Variants in CEP104 observed in about 807,000 individuals in gnomAD.
CEP104 encodes the protein centrosomal protein of 104 kDa.
In CEP104, 84 loss-of-function variants were observed where a neutral mutation model predicts 113.3. That is an observed-to-expected ratio of 0.74 (90% CI 0.62 to 0.89). The LOEUF (loss-of-function observed/expected upper bound fraction) is 0.89, where lower values mean the gene tolerates loss of function less well. CEP104 is among the 40% of genes least tolerant of loss of function. The probability of loss-of-function intolerance (pLI) is 0.00; values close to 1 mark genes in which losing one functional copy is unlikely to be tolerated. For missense variants in CEP104, 1,053 were observed against 1,156.6 expected (o/e 0.91, Z 1.30); for synonymous variants, 378 against 421.7 (o/e 0.90, Z 1.27).
intron 12 of CEP104, among the ~76,000 whole-genome samples, chr1:3,832,306 TGTAGGTC>T (rs567508385): frequency 1.4e-5 from 2 of 139,384 alleles, no homozygotes; most frequent in African/African-American, 5.4e-5. Flanking sequence ...AGGAGTGTAT[TGTAGGTC>T]GTAACCAGGA....
At position 3,852,310 on chromosome 1, in the gene CEP104, C is replaced by A; in HGVS notation, c.98G>T (p.Gly33Val). 1 of 1,613,852 alleles carries A rather than the reference C, an allele frequency of 6.2e-7. No homozygotes were observed. The highest frequency in any genetic ancestry group is 8.5e-7 in the Non-Finnish European group (1 of 1,179,970). ...CAGTCCTCACCTAGGTGACCGCCAC[C>A]CACTGACAGTTGGCGCGTGGATCAT... ...ELMIHAPTVS[G>V]WRSPRFCQFP... Residue 33 changes from glycine to valine, a missense_variant, in exon 2 of 22, where the codon GGG becomes GTG. Transcript: ENST00000378230.
intron 11 of CEP104, 95 bp from the exon 12 acceptor site, chr1:3,834,130 A>G (rs1282454855): frequency 1.5e-5 from 15 of 1,022,276 alleles, no homozygotes; most frequent in Non-Finnish European, 2.0e-5. Context: ...TACGAACATT[A>G]TATCGAAAAT....
chr1:3,854,133 C>T (rs1462261434), intron 1 of CEP104, among the ~76,000 whole-genome samples: 2 of 152,150 alleles, frequency 1.3e-5, no homozygotes, highest in Non-Finnish European at 2.9e-5. Context: ...CTCTCTTCAC[C>T]CACTCCCCAT....
chr1:3,823,559 C>T lies in CEP104; in HGVS notation c.2368G>A (p.Val790Ile). The T allele has an allele frequency of 6.2e-7, 1 of 1,614,240 alleles. No individual in the cohort carries two copies. Among genetic ancestry groups the T allele is most frequent in the South Asian group, 1.1e-5 (1 of 91,090 alleles). Residue 790 changes from valine to isoleucine, a missense_variant, in exon 19 of 22, where the codon GTC becomes ATC. Coordinates refer to ENST00000378230, the MANE Select transcript of CEP104 (RefSeq NM_014704.4). The surrounding 1 kb of genome is among the most constrained non-coding windows in gnomAD (Gnocchi z 4.1). ...TGCTCCGTCAGACTGGATATCTCGA[C>T]CACCTGGATTTCGAAATACAGAGCA... ...LTRCDHCKQVVEISSLTEHLL... is the reference protein window; with the variant it reads ...LTRCDHCKQVIEISSLTEHLL...
chr1:3,855,494 C>G (rs950266016), intron 1 of CEP104, among the ~76,000 whole-genome samples: 1 of 152,188 alleles, frequency 6.6e-6, no homozygotes, highest in East Asian at 1.9e-4. Context: ...CCAACACTCT[C>G]TGTTACGGCT....
chr1:3,844,046 C>G (rs1334834042), intron 6 of CEP104, among the ~76,000 whole-genome samples: 1 of 152,204 alleles, frequency 6.6e-6, no homozygotes, highest in African/African-American at 2.4e-5. Flanking sequence ...CAGGCGTGAG[C>G]CACTGCACCC....
intron 15 of CEP104, among the ~76,000 whole-genome samples, chr1:3,828,302 T>C (rs749544601): frequency 6.6e-6 from 1 of 152,206 alleles, no homozygotes; most frequent in Admixed American, 6.5e-5. Flanking sequence ...ACACGAGTCA[T>C]CCACACCACG....
In CEP104 at chr1:3,823,651, G is replaced by A. The variant is rs1326334642; in HGVS notation, c.2365-89C>T. 5.2e-6 allele frequency: 8 copies of A among 1,527,640 alleles called. No individual in the cohort carries two copies. The African/African-American group carries it at 9.5e-5, about 18-fold the overall frequency. 94.6% of individuals were successfully genotyped at this position (1,527,640 alleles called of 1,614,324 possible). ...TGCAGAGCCTGTGAGCGCCTCCCCT[G>A]CCCAGGGAGGTCTGTGCCGCCTGCA... is the stretch of plus-strand genomic sequence containing the variant. On this transcript the variant is annotated intron_variant, in intron 18 of 21. Transcript: ENST00000378230. This position sits in a 1 kb window ranked among gnomAD's most constrained non-coding sequence, Gnocchi z 4.1.
At chr1:3,835,804 C>T (rs1644297638) in intron 10 of CEP104, among the ~76,000 whole-genome samples, 1 of 152,196 alleles carries the variant, frequency 6.6e-6, no homozygotes, top group Non-Finnish European at 1.5e-5. Context: ...AACACCCAGG[C>T]TGAAATGAGT....
chr1:3,836,795 T>A, intron 9 of CEP104, 103 bp from the exon 10 acceptor site: 1 of 899,838 alleles, frequency 1.1e-6, no homozygotes, highest in Non-Finnish European at 1.7e-6. Context: ...TTACCTGATC[T>A]GAAAGATGTT....
intron 14 of CEP104, 47 bp downstream of exon 14, chr1:3,829,744 C>T (rs1304563664): frequency 1.9e-6 from 3 of 1,566,254 alleles, no homozygotes; most frequent in Non-Finnish European, 2.6e-6. Context: ...AACTGAGTAA[C>T]TTCTTCAACA....
intron 20 of CEP104, among the ~76,000 whole-genome samples, chr1:3,817,308 C>T (rs952779219): frequency 7.2e-5 from 11 of 152,160 alleles, no homozygotes; most frequent in Non-Finnish European, 1.5e-4. Context: ...CATCAGTGCA[C>T]TCCAGCCCGG....
In CEP104 at chr1:3,852,358, TC is replaced by T. The variant is rs1334483830; in HGVS notation, c.49del (p.Asp17ThrfsTer9). The T allele has an allele frequency of 8.7e-6, 14 of 1,613,994 alleles. No individual in the cohort carries two copies. The highest frequency in any genetic ancestry group is 1.3e-5 in the African/African-American group (1 of 74,910). On this transcript the variant is annotated frameshift_variant, in exon 2 of 22. Coordinates refer to ENST00000378230, the MANE Select transcript of CEP104 (RefSeq NM_014704.4). LOFTEE classifies it high-confidence loss of function. Reference sequence around the variant, plus strand: ...CATGAGCTCCCGGGCACTGAAGCCGTCTTCGTGTCCAGATGAGCTGACGACT... The same window carrying T: ...CATGAGCTCCCGGGCACTGAAGCCGTTTCGTGTCCAGATGAGCTGACGACT... ...FVVVSSSGHE[D>X]GFSARELMIH...
chr1:3,856,103 CTT>C, intron 1 of CEP104: 1 of 293,664 alleles, frequency 3.4e-6, no homozygotes, highest in Non-Finnish European at 5.1e-6. Context: ...CTCTGATTTT[CTT>C]TTTAAGAAGA....
chr1:3,835,004 G>C lies in CEP104; in HGVS notation c.1406C>G (p.Thr469Ser), dbSNP rs1380394223. ...SKKLMEMPVG[T>S]PKEDLKNTLR... ...TGTGTTCTTTAAATCTTCTTTTGGGGTTCCAACAGGCATTTCCATTAACTT... is the reference window on the plus strand; with the variant it reads ...TGTGTTCTTTAAATCTTCTTTTGGGCTTCCAACAGGCATTTCCATTAACTT... Residue 469 changes from threonine (T) to serine (S), a missense_variant, in exon 11 of 22, where the codon ACC becomes AGC. Physicochemically the swap from Thr to Ser is moderately conservative, Grantham distance 58. Transcript: ENST00000378230. 1 of 1,613,888 alleles carries C rather than the reference G, an allele frequency of 6.2e-7. No individual in the cohort carries two copies. Among genetic ancestry groups the C allele is most frequent in the Admixed American group, 1.7e-5 (1 of 60,010 alleles).
Position 3,833,891 on chromosome 1 carries a change from G to A in CEP104, c.1630C>T (p.Leu544Phe). 6.2e-7 allele frequency: 1 copy of A among 1,614,240 alleles called. No individual in the cohort carries two copies. Among genetic ancestry groups the A allele is most frequent in the Non-Finnish European group, 8.5e-7 (1 of 1,180,048 alleles). The change falls in exon 12 of 22, where the codon CTC (leucine) becomes TTC (phenylalanine). Residue 544 changes from leucine (L) to phenylalanine (F), a missense_variant. Physicochemically the swap from Leu to Phe is conservative, Grantham distance 22 (BLOSUM62 0). Coordinates refer to ENST00000378230, the MANE Select transcript of CEP104 (RefSeq NM_014704.4). ...LTRTGDSSARLRVTAANFIQE... is the reference protein window; with the variant it reads ...LTRTGDSSARFRVTAANFIQE... Reference sequence around the variant, plus strand: ...ATAAAATTTGCAGCTGTGACGCGGAGGCGGGCAGAAGAATCTCCAGTTCTG... The same window carrying A: ...ATAAAATTTGCAGCTGTGACGCGGAAGCGGGCAGAAGAATCTCCAGTTCTG...
intron 3 of CEP104, 144 bp from the exon 4 acceptor site, chr1:3,847,757 T>G: frequency 1.3e-6 from 1 of 777,748 alleles, no homozygotes; most frequent in Non-Finnish European, 2.0e-6. Context: ...ATCAACAGGT[T>G]TGAATAAAAG....
chr1:3,825,809 G>C lies in CEP104; in HGVS notation c.2313C>G (p.Leu771=). 1 of 1,614,040 alleles carries C rather than the reference G, an allele frequency of 6.2e-7. No homozygotes were observed. ...GCATGAGACAGTGCTTCCAGTAGTG[G>C]AGATCCAGACCTTCCTCTGTGAAGG... The part of the protein sequence containing the change: ...SESFTEEGLD[L]HYWKHCLMLT... The change falls in exon 18 of 22, where the codon CTC becomes CTG. Residue 771 remains leucine, a synonymous_variant. Coordinates refer to ENST00000378230, the MANE Select transcript of CEP104 (RefSeq NM_014704.4).
rs1643889162 is a variant in CEP104, at chr1:3,816,897, C to T, written c.2572-527G>A. On this transcript the variant is annotated intron_variant, in intron 20 of 21. Transcript: ENST00000378230. ...ACTGCCTGGGCAGCCAGCTTCTTTC[C>T]TTTACGACCAGCTGTGGGACCGTCT... 5.3e-5 allele frequency among the ~76,000 whole-genome samples: 8 copies of T among 152,270 alleles called. 1 individual carries two copies. The highest frequency in any genetic ancestry group is 5.2e-4 in the Admixed American group (8 of 15,290).
Sources: allele counts gnomAD v4.1 joint callset (sites outside exome capture counted in the v4.1 genomes callset), GRCh38; gene constraint gnomAD v4.1.1; non-coding constraint Gnocchi (gnomAD v3.1); transcripts MANE v1.5; gene names NCBI Gene and HGNC (gene_info 2026-07-23, HGNC 2026-07-21).